The following RPS26 variants were observed in gnomAD, a reference collection of about 807,000 sequenced individuals.
The protein encoded by RPS26 is ribosomal protein S26, also known as small ribosomal subunit protein eS26.
Under a neutral mutation model 14.7 loss-of-function variants are expected in RPS26, and 1 was observed. That is an observed-to-expected ratio of 0.07 (90% CI 0.02 to 0.32). RPS26 has a LOEUF of 0.32. RPS26 is among the 10% of genes least tolerant of loss of function. The probability of loss-of-function intolerance (pLI) is 1.00; values close to 1 mark genes in which losing one functional copy is unlikely to be tolerated. For missense variants in RPS26, 63 were observed against 157.7 expected (o/e 0.40, Z 3.22); for synonymous variants, 59 against 53.1 (o/e 1.11, Z -0.48).
intron 1 of RPS26, 116 bp downstream of exon 1, chr12:56,042,285 G>T (rs1895897415): frequency 1.3e-6 from 2 of 1,519,646 alleles, no homozygotes; most frequent in East Asian, 4.5e-5. Flanking sequence ...CATTTGCTCT[G>T]GGGGTCGGCG....
rs1895891629 is a variant in RPS26, at chr12:56,042,128, G to A, written c.-39G>A. 8.7e-6 allele frequency: 14 copies of A among 1,612,862 alleles called. No individual in the cohort carries two copies. The highest frequency in any genetic ancestry group is 9.3e-6 in the Non-Finnish European group (11 of 1,178,868). On this transcript the variant is annotated 5_prime_UTR_variant, in exon 1 of 4. Coordinates refer to ENST00000646449, the MANE Select transcript of RPS26 (RefSeq NM_001029.5). ...ATCTCATGCTATATAGGAGGGCCCTGCCAGGCACCGTCTCCTCTCTCCGGT... is the reference window on the plus strand; with the variant it reads ...ATCTCATGCTATATAGGAGGGCCCTACCAGGCACCGTCTCCTCTCTCCGGT...
rs1335930176 is a variant in RPS26, at chr12:56,044,130, A to G, written c.324A>G (p.Pro108=). 14 of 1,613,230 alleles carry G rather than the reference A, an allele frequency of 8.7e-6. No individual in the cohort carries two copies. Among genetic ancestry groups the G allele is most frequent in the Non-Finnish European group, 1.2e-5 (14 of 1,179,412 alleles). Residue 108 remains proline (P), a synonymous_variant, in exon 4 of 4, where the codon CCA becomes CCG. Transcript: ENST00000646449. The part of the protein sequence containing the change: ...PPRFRPAGAA[P]RPPPKPM ...TCTTTGTCTTTCAGGGTGCTGCCCC[A>G]CGTCCCCCACCAAAGCCCATGTAAG...
At chr12:56,044,065 GGGAGTCTT>G in intron 3 of RPS26, 46 bp from the exon 4 acceptor site, 1 of 1,487,666 alleles carries the variant, frequency 6.7e-7, no homozygotes, top group South Asian at 1.1e-5. Flanking sequence ...TTTGGGGGAA[GGGAGTCTT>G]GGATCCATGG....
In RPS26 at chr12:56,044,098, TTTTG is replaced by T. The variant is rs771654280; in HGVS notation, c.313-17_313-14del. Reference sequence around the variant, plus strand: ...TGGATCCATGGGTTTTAATTTACTCTTTTGTTTCTTTGTCTTTCAGGGTGCTGCC... The same window carrying T: ...TGGATCCATGGGTTTTAATTTACTCTTTTCTTTGTCTTTCAGGGTGCTGCC... On this transcript the variant is annotated splice_polypyrimidine_tract_variant and intron_variant, in intron 3 of 3. Coordinates refer to ENST00000646449, the MANE Select transcript of RPS26 (RefSeq NM_001029.5). 6.9e-5 allele frequency: 111 copies of T among 1,611,778 alleles called. No individual in the cohort carries two copies. The highest frequency in any genetic ancestry group is 9.3e-5 in the Non-Finnish European group (109 of 1,178,066).
intron 2 of RPS26, 44 bp downstream of exon 2, chr12:56,042,646 T>A: frequency 6.5e-7 from 1 of 1,548,282 alleles, no homozygotes; most frequent in African/African-American, 1.4e-5. Context: ...TCCCAGTATC[T>A]TAAAGCCTTC....
chr12:56,043,834 C>T (rs1288546151), intron 3 of RPS26, among the ~76,000 whole-genome samples: 1 of 151,898 alleles, frequency 6.6e-6, no homozygotes, highest in Admixed American at 6.6e-5. Context: ...AAGTTGCTTC[C>T]TCCTGTGGTG....
At chr12:56,042,710 C>T in intron 2 of RPS26, 108 bp downstream of exon 2, 3 of 912,054 alleles carry the variant, frequency 3.3e-6, no homozygotes, top group South Asian at 1.3e-5. Context: ...CAGGCAATTT[C>T]CACGTATTTA....
Position 56,044,427 on chromosome 12 carries a change from T to C in RPS26, c.*273T>C. ...GGCGTGATCTCAGCTCACTGCAACC[T>C]CCGTCTCCCGGGTTCAAGTGATTCT... On this transcript the variant is annotated 3_prime_UTR_variant, in exon 4 of 4. Coordinates refer to ENST00000646449, the MANE Select transcript of RPS26 (RefSeq NM_001029.5). 1 of 371,084 alleles carries C rather than the reference T, an allele frequency of 2.7e-6. No homozygotes were observed. Among genetic ancestry groups the C allele is most frequent in the Middle Eastern group, 8.2e-4 (1 of 1,216 alleles). The allele number at this position is 371,084 out of a possible 1,614,324, so 23.0% of individuals were successfully genotyped here. A position where few individuals can be genotyped will look rare whatever the true frequency, so the allele number is the denominator to read the frequency against.
At chr12:56,043,226 G>A in intron 2 of RPS26, 137 bp from the exon 3 acceptor site, 1 of 785,566 alleles carries the variant, frequency 1.3e-6, no homozygotes, top group South Asian at 1.4e-5. Context: ...TGCTTTGGGG[G>A]TGCTTTTATG....
intron 3 of RPS26, 53 bp from the exon 4 acceptor site, chr12:56,044,066 G>T (rs887495100): frequency 6.0e-6 from 9 of 1,495,568 alleles, no homozygotes; most frequent in Non-Finnish European, 1.9e-6. Flanking sequence ...TTGGGGGAAG[G>T]GAGTCTTGGA....
rs1555208662 is a variant in RPS26, at chr12:56,044,353, T to TTTC, written c.*201_*202insCTT. 5.4e-5 allele frequency: 22 copies of TTTC among 408,432 alleles called. 1 individual carries two copies. Among genetic ancestry groups the TTTC allele is most frequent in the Non-Finnish European group, 8.0e-5 (19 of 238,524 alleles). 25.3% of individuals were successfully genotyped at this position (408,432 alleles called of 1,614,324 possible). On this transcript the variant is annotated 3_prime_UTR_variant, in exon 4 of 4. Transcript: ENST00000646449. ...TGTAATTTAATTTTTTTCTTTTTTTTTTTTTTTTTTTTGAGACGGAGTCTT... is the reference window on the plus strand; with the variant it reads ...TGTAATTTAATTTTTTTCTTTTTTTTTTCTTTTTTTTTTTTGAGACGGAGTCTT...
intron 3 of RPS26, among the ~76,000 whole-genome samples, 181 bp from the exon 4 acceptor site, chr12:56,043,938 G>A (rs1895928807): frequency 6.6e-6 from 1 of 152,176 alleles, no homozygotes; most frequent in Admixed American, 6.6e-5. Context: ...GCAAAGCAGT[G>A]TTAGAATCAG....
At chr12:56,043,336 A>G (rs749377202) in intron 2 of RPS26, 27 bp from the exon 3 acceptor site, 2 of 1,605,970 alleles carry the variant, frequency 1.2e-6, no homozygotes, top group African/African-American at 2.7e-5. Context: ...ATATAATACC[A>G]GTATAACTCT....
In RPS26 at chr12:56,041,934, C is replaced by T. The variant is rs546375031; in HGVS notation, c.-233C>T. 23 of 611,454 alleles carry T rather than the reference C, an allele frequency of 3.8e-5. No individual in the cohort carries two copies. The South Asian group carries it at 4.2e-4, about 11-fold the overall frequency. The allele number at this position is 611,454 out of a possible 1,614,324, so 37.9% of individuals were successfully genotyped here. ...CATAACCTCGATTTTCTTCCGCCAT[C>T]CGGCTAAATAGTCCCATGTGCACTT... On this transcript the variant is annotated 5_prime_UTR_variant, in exon 1 of 4. Transcript: ENST00000646449.
intron 2 of RPS26, chr12:56,043,018 T>G (rs1895911090): frequency 2.5e-6 from 1 of 398,080 alleles, no homozygotes; most frequent in Admixed American, 4.1e-5. Flanking sequence ...TCGCTTTGTT[T>G]TTTTCCTTTT....
In RPS26 at chr12:56,042,444, A is replaced by G; in HGVS notation, c.23A>G (p.Asn8Ser). The G allele has an allele frequency of 6.2e-7, 1 of 1,613,918 alleles. No homozygotes were observed. MTKKRRN[N>S]GRAKKGRGHV... Reference sequence around the variant, plus strand: ...TCGCAGACAAAGAAAAGAAGGAACAATGGTCGTGCCAAAAAGGGCCGCGGC... The same window carrying G: ...TCGCAGACAAAGAAAAGAAGGAACAGTGGTCGTGCCAAAAAGGGCCGCGGC... The change falls in exon 2 of 4, where the codon AAT becomes AGT. Residue 8 changes from asparagine (N) to serine (S), a missense_variant. By Grantham distance (46) the Asn-to-Ser change is conservative. Coordinates refer to ENST00000646449, the MANE Select transcript of RPS26 (RefSeq NM_001029.5).
intron 2 of RPS26, chr12:56,043,137 A>G: frequency 1.9e-6 from 1 of 518,836 alleles, no homozygotes; most frequent in Non-Finnish European, 3.5e-6. Context: ...TGCGGTGTCA[A>G]GATGAACTCA....
At chr12:56,042,682 C>T (rs868706372) in intron 2 of RPS26, 80 bp downstream of exon 2, 1 of 1,217,958 alleles carries the variant, frequency 8.2e-7, no homozygotes, top group African/African-American at 1.5e-5. Context: ...TTTGGAGGCT[C>T]TGTTCTTTGG....
rs777209157 is a variant in RPS26 at position 56,042,162 on chromosome 12, C to T, written c.-5C>T. ...CGTCTCCTCTCTCCGGTCCGTGCCT[C>T]CAAGATGGTGAGTCTTCTTGCGTGG... On this transcript the variant is annotated 5_prime_UTR_variant, in exon 1 of 4. Coordinates refer to ENST00000646449, the MANE Select transcript of RPS26 (RefSeq NM_001029.5). 5 of 1,614,012 alleles carry T rather than the reference C, an allele frequency of 3.1e-6. No homozygotes were observed. Among genetic ancestry groups the T allele is most frequent in the East Asian group, 2.2e-5 (1 of 44,890 alleles).
Sources: gnomAD v4.1 joint callset for allele counts (sites outside exome capture counted in the v4.1 genomes callset) on GRCh38, gnomAD v4.1.1 for gene constraint, MANE v1.5 for transcripts, NCBI Gene and HGNC (gene_info 2026-07-23, HGNC 2026-07-21) for gene names.